The following BACE2 variants were observed in gnomAD, a reference collection of about 807,000 sequenced individuals.
BACE2 encodes beta-secretase 2, also known as 56 kDa aspartic-like protease.
BACE2 carries 17 observed loss-of-function variants against 46.2 expected under a neutral mutation model. The observed-to-expected ratio is 0.37, with a 90% CI of 0.25 to 0.55. The LOEUF is 0.55. BACE2 is among the 20% of genes least tolerant of loss of function. BACE2 has a pLI of 0.82. For missense variants in BACE2, 595 were observed against 698.1 expected (o/e 0.85, Z 1.66); for synonymous variants, 277 against 295.9 (o/e 0.94, Z 0.66).
At chr21:41,223,302 GT>G (rs1468870977) in intron 1 of BACE2, among the ~76,000 whole-genome samples, 1 of 151,750 alleles carries the variant, frequency 6.6e-6, no homozygotes, top group Non-Finnish European at 1.5e-5. Context: ...GCTACAGCAA[GT>G]GATGATTGTG....
chr21:41,195,329 C>A lies in BACE2; in HGVS notation c.312+26754C>A, dbSNP rs1985698900. Among the ~76,000 whole-genome samples the A allele has an allele frequency of 2.6e-5, 4 of 152,200 alleles. No individual in the cohort carries two copies. In the South Asian group the frequency reaches 8.3e-4, roughly 31 times the overall value. ...GAGGGAGTGATAAGTCCCTGTTGGC[C>A]ACCTGAGGTTTTGTCTGTGTCAGGA... is the stretch of plus-strand genomic sequence containing the variant. On this transcript the variant is annotated intron_variant, in intron 1 of 8. Coordinates refer to ENST00000330333, the MANE Select transcript of BACE2 (RefSeq NM_012105.5).
At chr21:41,255,802 A>G (rs560175696) in intron 7 of BACE2, among the ~76,000 whole-genome samples, 1 of 152,338 alleles carries the variant, frequency 6.6e-6, no homozygotes, top group South Asian at 2.1e-4. Context: ...TCTACACACC[A>G]TAAAGTTTCA....
At chr21:41,218,378 T>G (rs1192663024) in intron 1 of BACE2, among the ~76,000 whole-genome samples, 1 of 151,972 alleles carries the variant, frequency 6.6e-6, no homozygotes, top group Non-Finnish European at 1.5e-5. Context: ...ATTCTTCAAG[T>G]GTAAAGGCCA....
chr21:41,242,462 G>A (rs1385136556), intron 4 of BACE2, among the ~76,000 whole-genome samples: 1 of 152,076 alleles, frequency 6.6e-6, no homozygotes, highest in African/African-American at 2.4e-5. Context: ...TCCCTCCAGG[G>A]GCCGGCACCC....
At chr21:41,229,044 C>T (rs1240575501) in intron 2 of BACE2, among the ~76,000 whole-genome samples, 1 of 152,176 alleles carries the variant, frequency 6.6e-6, no homozygotes, top group Non-Finnish European at 1.5e-5. Flanking sequence ...TGCATGACTG[C>T]CCTTCACATT....
At chr21:41,234,114 A>G (rs1006902668) in intron 2 of BACE2, among the ~76,000 whole-genome samples, 5 of 152,150 alleles carry the variant, frequency 3.3e-5, no homozygotes, top group African/African-American at 4.8e-5. Context: ...GTTTTTCCCC[A>G]TACACTGTCT....
At chr21:41,169,285 C>T (rs1015279474) in intron 1 of BACE2, among the ~76,000 whole-genome samples, 4 of 151,884 alleles carry the variant, frequency 2.6e-5, no homozygotes, top group South Asian at 2.1e-4. Flanking sequence ...AGCATTCCAG[C>T]TACCGGGAAA....
intron 1 of BACE2, among the ~76,000 whole-genome samples, chr21:41,173,448 T>C (rs1157582244): frequency 6.6e-6 from 1 of 152,106 alleles, no homozygotes; most frequent in Non-Finnish European, 1.5e-5. Context: ...TGCTTGAAAA[T>C]TTAAAATGTC....
chr21:41,179,069 G>C (rs1198418562), intron 1 of BACE2: 4 of 1,155,600 alleles, frequency 3.5e-6, no homozygotes, highest in Non-Finnish European at 4.5e-6. Context: ...AAGACTTGAG[G>C]GTGTCAGGGT....
chr21:41,235,525 G>C (rs1440594760), intron 2 of BACE2, among the ~76,000 whole-genome samples: 1 of 152,170 alleles, frequency 6.6e-6, no homozygotes, highest in African/African-American at 2.4e-5. Flanking sequence ...ATGCTTATGA[G>C]ATATACCAAG....
intron 1 of BACE2, among the ~76,000 whole-genome samples, chr21:41,199,710 G>A (rs960316266): frequency 6.6e-6 from 1 of 152,034 alleles, no homozygotes; most frequent in Non-Finnish European, 1.5e-5. Flanking sequence ...GATTCCCTCC[G>A]CACTTCTAGC....
At chr21:41,229,139 C>T (rs1986904694) in intron 2 of BACE2, among the ~76,000 whole-genome samples, 1 of 152,180 alleles carries the variant, frequency 6.6e-6, no homozygotes, top group Non-Finnish European at 1.5e-5. Flanking sequence ...CATTGAGAAC[C>T]GCTTATCTGA....
chr21:41,200,093 G>A (rs1038713136), intron 1 of BACE2, among the ~76,000 whole-genome samples: 2 of 151,376 alleles, frequency 1.3e-5, no homozygotes, highest in African/African-American at 4.9e-5. Flanking sequence ...AATGTCAAAT[G>A]ATGAGTTGAT....
chr21:41,173,745 C>T (rs931707981), intron 1 of BACE2, among the ~76,000 whole-genome samples: 13 of 151,556 alleles, frequency 8.6e-5, no homozygotes, highest in Middle Eastern at 3.4e-3. Context: ...GACTCTGTCT[C>T]GAAAAAAAGA....
intron 8 of BACE2, among the ~76,000 whole-genome samples, chr21:41,259,696 A>G (rs965984951): frequency 6.6e-6 from 1 of 151,024 alleles, no homozygotes; most frequent in Non-Finnish European, 1.5e-5. Context: ...TACATTTATA[A>G]TTTTACTAGA....
intron 8 of BACE2, among the ~76,000 whole-genome samples, chr21:41,273,890 G>A (rs761359128): frequency 5.9e-5 from 9 of 152,208 alleles, no homozygotes; most frequent in Non-Finnish European, 1.0e-4. Context: ...CACAATTTAT[G>A]TTCTTCTGCC....
Position 41,179,418 on chromosome 21 carries a change from G to A in BACE2, c.312+10843G>A, listed in dbSNP as rs760312391. 7.5e-6 allele frequency: 10 copies of A among 1,329,784 alleles called. No individual in the cohort carries two copies. In the East Asian group the frequency reaches 3.4e-4, roughly 45 times the overall value. The allele number at this position is 1,329,784 out of a possible 1,614,324, so 82.4% of individuals were successfully genotyped here. Reference sequence around the variant, plus strand: ...GAGTGAGGGTGTCCAGGGTGAGTGAGGGTGTCAGGGTGAGTGAACGTGTCC... The same window carrying A: ...GAGTGAGGGTGTCCAGGGTGAGTGAAGGTGTCAGGGTGAGTGAACGTGTCC... On this transcript the variant is annotated intron_variant, in intron 1 of 8. Transcript: ENST00000330333.
At chr21:41,241,680 C>A in intron 3 of BACE2, 139 bp from the exon 4 acceptor site, 2 of 948,824 alleles carry the variant, frequency 2.1e-6, no homozygotes, top group South Asian at 1.7e-5. Context: ...GACCCAATCA[C>A]AAGCTGGTGT....
intron 1 of BACE2, among the ~76,000 whole-genome samples, chr21:41,189,251 C>A (rs369929855): frequency 2.0e-5 from 3 of 151,668 alleles, no homozygotes; most frequent in Admixed American, 6.6e-5. Context: ...AAACTCATAA[C>A]GTTCATGTCT....
Sources: gnomAD v4.1 joint callset for allele counts (sites outside exome capture counted in the v4.1 genomes callset) on GRCh38, gnomAD v4.1.1 for gene constraint, MANE v1.5 for transcripts, NCBI Gene and HGNC (gene_info 2026-07-23, HGNC 2026-07-21) for gene names.